Variants in OTOGL observed in about 807,000 individuals in gnomAD.
The protein encoded by OTOGL is otogelin like.
In OTOGL, 285 loss-of-function variants were observed where a neutral mutation model predicts 318.5. That is an observed-to-expected ratio of 0.89 (90% CI 0.81 to 0.99). The LOEUF is 0.99. Among genes scored for constraint, OTOGL ranks in the 50% least tolerant of loss-of-function variants. The pLI, the probability that OTOGL is intolerant of heterozygous loss-of-function variation, is 0.00. For missense variants in OTOGL, 2,899 were observed against 2,845.6 expected (o/e 1.02, Z -0.43); for synonymous variants, 987 against 936.5 (o/e 1.05, Z -0.99).
chr12:80,155,471 T>C (rs993106238), intron 1 of OTOGL, among the ~76,000 whole-genome samples: 2 of 152,188 alleles, frequency 1.3e-5, no homozygotes, highest in Non-Finnish European at 2.9e-5. Context: ...TTTTAATTTT[T>C]AATTTTTGTG....
intron 52 of OTOGL, among the ~76,000 whole-genome samples, chr12:80,363,451 A>G (rs182840551): frequency 2.6e-5 from 4 of 152,316 alleles, no homozygotes; most frequent in East Asian, 1.9e-4. Flanking sequence ...CATCTTCACT[A>G]TTGTGAGGTT....
intron 1 of OTOGL, among the ~76,000 whole-genome samples, chr12:80,135,801 C>G (rs1411416512): frequency 6.6e-6 from 1 of 152,134 alleles, no homozygotes; most frequent in Admixed American, 6.5e-5. Context: ...AAGCAGATTG[C>G]CTTCCATAAG....
At chr12:80,337,697 G>A (rs140827325) in intron 42 of OTOGL, among the ~76,000 whole-genome samples, 1 of 151,848 alleles carries the variant, frequency 6.6e-6, no homozygotes, top group African/African-American at 2.4e-5. Context: ...AATGTGTAAA[G>A]ATTTTTTCTT....
At chr12:80,168,708 C>T (rs998617181) in intron 1 of OTOGL, among the ~76,000 whole-genome samples, 4 of 152,102 alleles carry the variant, frequency 2.6e-5, no homozygotes, top group Non-Finnish European at 5.9e-5. Context: ...TGACTGTTTT[C>T]CTAATAGGGC....
chr12:80,378,082 T>A lies in OTOGL; in HGVS notation c.*34T>A, dbSNP rs1250200503. 32 of 1,435,848 alleles carry A rather than the reference T, an allele frequency of 2.2e-5. No homozygotes were observed. Among genetic ancestry groups the A allele is most frequent in the Non-Finnish European group, 3.0e-5 (32 of 1,050,728 alleles). The allele number at this position is 1,435,848 out of a possible 1,614,324, so 88.9% of individuals were successfully genotyped here. A position where few individuals can be genotyped will look rare whatever the true frequency, so the allele number is the denominator to read the frequency against. On this transcript the variant is annotated 3_prime_UTR_variant, in exon 59 of 59. Coordinates refer to ENST00000547103, the MANE Select transcript of OTOGL (RefSeq NM_001378609.3). ...GTTCCAAGAGCTCTATACAACATCA[T>A]AACGTCAGATAGAATTAACTTTTAT... is the stretch of plus-strand genomic sequence containing the variant.
intron 1 of OTOGL, among the ~76,000 whole-genome samples, chr12:80,161,124 G>A (rs892472466): frequency 9.2e-5 from 14 of 151,956 alleles, no homozygotes; most frequent in East Asian, 3.9e-4. Flanking sequence ...TACAAATTGC[G>A]TTCAGGGTAT....
chr12:80,373,432 AAAACAAACAAACAAAC>A (rs57094353), intron 57 of OTOGL, among the ~76,000 whole-genome samples: 127,934 of 150,528 alleles, frequency 0.85, 54,411 homozygotes, highest in South Asian at 0.88. Context: ...CTCTGTCTCC[AAAACAAACAAACAAAC>A]AAACAAACAA....
chr12:80,199,971 T>C (rs962098576), intron 1 of OTOGL, among the ~76,000 whole-genome samples: 3 of 152,176 alleles, frequency 2.0e-5, no homozygotes, highest in Admixed American at 6.5e-5. Context: ...TCATTTCCCA[T>C]TACACTTCAC....
At chr12:80,164,685 G>A (rs553119109) in intron 1 of OTOGL, among the ~76,000 whole-genome samples, 2 of 152,100 alleles carry the variant, frequency 1.3e-5, no homozygotes, top group South Asian at 4.2e-4. Flanking sequence ...ACGCATCCCT[G>A]TTCAGTGAGA....
At chr12:80,264,149 T>A (rs1882767377) in intron 19 of OTOGL, among the ~76,000 whole-genome samples, 1 of 152,120 alleles carries the variant, frequency 6.6e-6, no homozygotes, top group Non-Finnish European at 1.5e-5. Flanking sequence ...TTGATTAATT[T>A]TATCTGTTAG....
At chr12:80,164,260 AG>A (rs1441675056) in intron 1 of OTOGL, among the ~76,000 whole-genome samples, 2 of 152,248 alleles carry the variant, frequency 1.3e-5, no homozygotes, top group Non-Finnish European at 2.9e-5. Context: ...TTCTCCTTCA[AG>A]GTACTATTTC....
chr12:80,294,510 A>T (rs1451090), intron 26 of OTOGL, among the ~76,000 whole-genome samples: 151,529 of 152,318 alleles, frequency 0.99, 75,377 homozygotes, highest in Middle Eastern at 1. Context: ...TATGACATTA[A>T]TTTTTTGAGT....
chr12:80,243,838 TATA>T (rs1049209641), intron 11 of OTOGL, among the ~76,000 whole-genome samples: 2 of 140,284 alleles, frequency 1.4e-5, no homozygotes, highest in African/African-American at 2.9e-5. Context: ...CTATATATAA[TATA>T]ATCATATATA....
intron 11 of OTOGL, among the ~76,000 whole-genome samples, chr12:80,240,280 A>T (rs11114362): frequency 6.6e-6 from 1 of 151,964 alleles, no homozygotes; most frequent in African/African-American, 2.4e-5. Flanking sequence ...AATGGTAGTT[A>T]TAAATGTTTT....
At chr12:80,208,315 G>A (rs1876972787) in intron 1 of OTOGL, 3 of 458,636 alleles carry the variant, frequency 6.5e-6, no homozygotes, top group Non-Finnish European at 1.3e-5. Context: ...TAGTTAGGAT[G>A]TCAAGAATAC....
chr12:80,264,474 G>A (rs1460109337), intron 19 of OTOGL, among the ~76,000 whole-genome samples: 1 of 152,140 alleles, frequency 6.6e-6, no homozygotes, highest in African/African-American at 2.4e-5. Context: ...ATATCTGCCA[G>A]ACATTGTACA....
chr12:80,172,778 G>C (rs1001018576), intron 1 of OTOGL, among the ~76,000 whole-genome samples: 1 of 152,084 alleles, frequency 6.6e-6, no homozygotes, highest in South Asian at 2.1e-4. Flanking sequence ...GGGTTCAAGC[G>C]ATACTCCTGC....
At chr12:80,104,678 C>T (rs1869349449) in intron 1 of OTOGL, among the ~76,000 whole-genome samples, 1 of 152,014 alleles carries the variant, frequency 6.6e-6, no homozygotes, top group Admixed American at 6.6e-5. Context: ...AGTTTAAGTG[C>T]AAGGCATTAT....
At chr12:80,367,805 T>C (rs1890642354) in intron 54 of OTOGL, 66 bp downstream of exon 54, 3 of 1,119,338 alleles carry the variant, frequency 2.7e-6, no homozygotes, top group Admixed American at 3.7e-5. Flanking sequence ...AGTTATAGAA[T>C]TTGAAATGGT....
Sources: allele counts gnomAD v4.1 joint callset (sites outside exome capture counted in the v4.1 genomes callset), GRCh38; gene constraint gnomAD v4.1.1; transcripts MANE v1.5; gene names NCBI Gene and HGNC (gene_info 2026-07-23, HGNC 2026-07-21).